The following CCDC80 variants were observed in gnomAD, a reference collection of about 807,000 sequenced individuals.
CCDC80 encodes the protein coiled-coil domain-containing protein 80.
A neutral mutation model predicts 78.7 loss-of-function variants in CCDC80; 49 were observed. The observed-to-expected ratio is 0.62, with a 90% CI of 0.50 to 0.79. The LOEUF is 0.79. Ranked by LOEUF, CCDC80 falls within the 30% of genes least tolerant of loss-of-function variation. The pLI is 0.00. For synonymous variants in CCDC80, 488 were observed against 447.0 expected (o/e 1.09, Z -1.16); for missense variants, 1,205 against 1,198.6 (o/e 1.01, Z -0.08).
chr3:112,640,948 C>G lies in CCDC80; in HGVS notation c.-633G>C, dbSNP rs1936327385. The G allele has an allele frequency of 6.6e-6, 1 of 151,516 alleles. No homozygotes were observed. 9.4% of individuals were successfully genotyped at this position (151,516 alleles called of 1,614,324 possible). On this transcript the variant is annotated 5_prime_UTR_variant, in exon 1 of 8. Coordinates refer to ENST00000206423, the MANE Select transcript of CCDC80 (RefSeq NM_199511.3). The stretch of plus-strand genomic sequence containing the variant: ...CCTTTTTCCTCCTCTTTTTCTTCTT[C>G]TTTTTCTTCTTTCTCTTGCCTGGAT...
In CCDC80 at chr3:112,637,149, C is replaced by A. The variant is rs1936223352; in HGVS notation, c.1878+879G>T. Among the ~76,000 whole-genome samples, 3 of 152,208 alleles carry A rather than the reference C, an allele frequency of 2.0e-5. No individual in the cohort carries two copies. In the South Asian group the frequency reaches 6.2e-4, roughly 32 times the overall value. ...TCAACACGAGTGGCACAAAGAACTG[C>A]AGACCAAGGGCAAGTAGGGACAGCT... is the stretch of plus-strand genomic sequence containing the variant. On this transcript the variant is annotated intron_variant, in intron 2 of 7. Transcript: ENST00000206423.
chr3:112,623,616 AAAAAATT>A (rs1935910405), intron 3 of CCDC80, among the ~76,000 whole-genome samples: 1 of 152,172 alleles, frequency 6.6e-6, no homozygotes, highest in African/African-American at 2.4e-5. Flanking sequence ...ATCTGCATTT[AAAAAATT>A]TCCTGGGTAG....
chr3:112,617,986 T>C (rs1419071799), intron 4 of CCDC80, among the ~76,000 whole-genome samples: 2 of 152,248 alleles, frequency 1.3e-5, no homozygotes, highest in Non-Finnish European at 2.9e-5. Flanking sequence ...AATTGCATGA[T>C]GACCTTGGGC....
chr3:112,634,239 T>C (rs552983956), intron 2 of CCDC80, among the ~76,000 whole-genome samples: 9 of 152,240 alleles, frequency 5.9e-5, no homozygotes, highest in African/African-American at 2.2e-4. Flanking sequence ...ACCAAATAAG[T>C]AGATGGTTGT....
At chr3:112,626,115 C>T (rs1299016921) in intron 3 of CCDC80, among the ~76,000 whole-genome samples, 1 of 152,188 alleles carries the variant, frequency 6.6e-6, no homozygotes, top group Non-Finnish European at 1.5e-5. Flanking sequence ...AGGGATTGGT[C>T]TTGACACTGA....
At chr3:112,630,380 C>A in intron 2 of CCDC80, 111 bp from the exon 3 acceptor site, 1 of 1,032,730 alleles carries the variant, frequency 9.7e-7, no homozygotes, top group Non-Finnish European at 1.5e-6. Context: ...TGCATCTAAG[C>A]TACAAATGTT....
intron 5 of CCDC80, among the ~76,000 whole-genome samples, chr3:112,613,445 T>C (rs1291815453): frequency 6.6e-6 from 1 of 152,178 alleles, no homozygotes; most frequent in Non-Finnish European, 1.5e-5. Context: ...TTACATATGT[T>C]AGGACCCCAT....
At chr3:112,630,349 G>C in intron 2 of CCDC80, 80 bp from the exon 3 acceptor site, 7 of 1,371,388 alleles carry the variant, frequency 5.1e-6, no homozygotes, top group Non-Finnish European at 6.2e-6. Flanking sequence ...AGATGATTTG[G>C]AAGAGAGGGC....
chr3:112,605,812 C>T (rs1483054336), intron 7 of CCDC80, 49 bp from the exon 8 acceptor site: 1 of 1,450,384 alleles, frequency 6.9e-7, no homozygotes, highest in Admixed American at 1.9e-5. Context: ...ACAGTCAGAG[C>T]CCATGAAAAC....
chr3:112,601,951 C>G lies in CCDC80; in HGVS notation c.*3466G>C, dbSNP rs1038448950. 1.3e-5 allele frequency: 2 copies of G among 152,084 alleles called. No individual in the cohort carries two copies. The highest frequency in any genetic ancestry group is 2.9e-5 in the Non-Finnish European group (2 of 68,026). The allele number at this position is 152,084 out of a possible 1,614,324, so 9.4% of individuals were successfully genotyped here. A position where few individuals can be genotyped will look rare whatever the true frequency, so the allele number is the denominator to read the frequency against. ...TAATAGGTCCATTAGCAAGTAAGTACAGGCACATCTTATTTTATTATACTT... is the reference window on the plus strand; with the variant it reads ...TAATAGGTCCATTAGCAAGTAAGTAGAGGCACATCTTATTTTATTATACTT... On this transcript the variant is annotated 3_prime_UTR_variant, in exon 8 of 8. Transcript: ENST00000206423.
At position 112,638,064 on chromosome 3, in the gene CCDC80, G is replaced by A; in HGVS notation, c.1842C>T (p.Asp614=). ...GTTTGCCTTCAAAGGACCCCAGCAGGTCGGCCACTGACTTCTTGGGACTCT... is the reference window on the plus strand; with the variant it reads ...GTTTGCCTTCAAAGGACCCCAGCAGATCGGCCACTGACTTCTTGGGACTCT... The part of the protein sequence containing the change: ...FTQSPKKSVA[D]LLGSFEGKRR... Residue 614 remains aspartate, a synonymous_variant, in exon 2 of 8, where the codon GAC becomes GAT. Transcript: ENST00000206423. 6.2e-7 allele frequency: 1 copy of A among 1,609,504 alleles called. No individual in the cohort carries two copies. The highest frequency in any genetic ancestry group is 8.5e-7 in the Non-Finnish European group (1 of 1,178,884).
rs1935618201 is a variant in CCDC80 at position 112,611,140 on chromosome 3, C to T, written c.2322-1059G>A. Among the ~76,000 whole-genome samples the T allele has an allele frequency of 2.6e-5, 4 of 152,104 alleles. No homozygotes were observed. In the South Asian group the frequency reaches 8.3e-4, roughly 32 times the overall value. On this transcript the variant is annotated intron_variant, in intron 5 of 7. Coordinates refer to ENST00000206423, the MANE Select transcript of CCDC80 (RefSeq NM_199511.3). ...GTGTTAGCCAGGATGGTCTCGATCTCCTGACCTGGTGATCTGCCCTCCTCG... is the reference window on the plus strand; with the variant it reads ...GTGTTAGCCAGGATGGTCTCGATCTTCTGACCTGGTGATCTGCCCTCCTCG...
In CCDC80 at chr3:112,597,030, A is replaced by T. The variant is rs1935294130; in HGVS notation, c.*8387T>A. ...GTCTTTATGTCTGTCTGGTCATGTT[A>T]TCAGCCAGTCTTACTTAATGTATTA... is the stretch of plus-strand genomic sequence containing the variant. On this transcript the variant is annotated 3_prime_UTR_variant, in exon 8 of 8. Coordinates refer to ENST00000206423, the MANE Select transcript of CCDC80 (RefSeq NM_199511.3). 1 of 152,164 alleles carries T rather than the reference A, an allele frequency of 6.6e-6. No homozygotes were observed. Among genetic ancestry groups the T allele is most frequent in the African/African-American group, 2.4e-5 (1 of 41,446 alleles). The allele number at this position is 152,164 out of a possible 1,614,324, so 9.4% of individuals were successfully genotyped here. A position where few individuals can be genotyped will look rare whatever the true frequency, so the allele number is the denominator to read the frequency against.
Position 112,597,300 on chromosome 3 carries a change from G to C in CCDC80, c.*8117C>G, listed in dbSNP as rs1935298412. The C allele has an allele frequency of 6.6e-6, 1 of 152,172 alleles. No homozygotes were observed. Among genetic ancestry groups the C allele is most frequent in the Non-Finnish European group, 1.5e-5 (1 of 68,034 alleles). 9.4% of individuals were successfully genotyped at this position (152,172 alleles called of 1,614,324 possible). On this transcript the variant is annotated 3_prime_UTR_variant, in exon 8 of 8. Transcript: ENST00000206423. ...AAGTGGGTAAGAAAGAAAAAATAAA[G>C]GCAGAGCATAACGATGTCACCCATC...
At position 112,602,770 on chromosome 3, in the gene CCDC80, C is replaced by G. The variant is rs1186612347; in HGVS notation, c.*2647G>C. On this transcript the variant is annotated 3_prime_UTR_variant, in exon 8 of 8. Transcript: ENST00000206423. Reference sequence around the variant, plus strand: ...GGTTCATGAGTTTGAAGAAAAGAAGCCTTGTGCATCCATAAAAGTGCAAAG... The same window carrying G: ...GGTTCATGAGTTTGAAGAAAAGAAGGCTTGTGCATCCATAAAAGTGCAAAG... 1 of 152,204 alleles carries G rather than the reference C, an allele frequency of 6.6e-6. No homozygotes were observed. Among genetic ancestry groups the G allele is most frequent in the African/African-American group, 2.4e-5 (1 of 41,456 alleles). The allele number at this position is 152,204 out of a possible 1,614,324, so 9.4% of individuals were successfully genotyped here. A position where few individuals can be genotyped will look rare whatever the true frequency, so the allele number is the denominator to read the frequency against.
intron 6 of CCDC80, among the ~76,000 whole-genome samples, chr3:112,609,435 T>A (rs895832512): frequency 6.6e-6 from 1 of 152,200 alleles, no homozygotes; most frequent in Non-Finnish European, 1.5e-5. Context: ...TGCTACTTTC[T>A]TAGTGCTCAG....
At position 112,605,321 on chromosome 3, in the gene CCDC80, G is replaced by T; in HGVS notation, c.*96C>A. 1.3e-6 allele frequency: 1 copy of T among 775,996 alleles called. No individual in the cohort carries two copies. Among genetic ancestry groups the T allele is most frequent in the East Asian group, 2.6e-5 (1 of 38,440 alleles). The allele number at this position is 775,996 out of a possible 1,614,324, so 48.1% of individuals were successfully genotyped here. ...GAAAAACACTGAAAGAAAAAGGCAG[G>T]AAATGTAGTACGCAGTGTGGAAGAA... On this transcript the variant is annotated 3_prime_UTR_variant, in exon 8 of 8. Coordinates refer to ENST00000206423, the MANE Select transcript of CCDC80 (RefSeq NM_199511.3).
rs185176841 is a variant in CCDC80 at position 112,619,891 on chromosome 3, G to A, written c.2036-787C>T. Among the ~76,000 whole-genome samples the A allele has an allele frequency of 3.3e-3, 508 of 152,316 alleles. 2 individuals carry two copies. The highest frequency in any genetic ancestry group is 4.2e-3 in the Non-Finnish European group (283 of 68,028). ...CATTTTAACATTTTCAAGGACAGAAGAGCTTTATTTACTTCTTCCCGCTAA... is the reference window on the plus strand; with the variant it reads ...CATTTTAACATTTTCAAGGACAGAAAAGCTTTATTTACTTCTTCCCGCTAA... On this transcript the variant is annotated intron_variant, in intron 3 of 7. Transcript: ENST00000206423.
chr3:112,617,759 A>G (rs1160110276), intron 4 of CCDC80, among the ~76,000 whole-genome samples: 1 of 152,244 alleles, frequency 6.6e-6, no homozygotes, highest in Non-Finnish European at 1.5e-5. Flanking sequence ...TTTTTCATGA[A>G]CATTTTTTGT....
Sources: allele counts gnomAD v4.1 joint callset (sites outside exome capture counted in the v4.1 genomes callset), GRCh38; gene constraint gnomAD v4.1.1; transcripts MANE v1.5; gene names NCBI Gene and HGNC (gene_info 2026-07-23, HGNC 2026-07-21).